SURF4: variants seen among roughly 807,000 people sequenced by gnomAD.
SURF4 encodes surfeit 4.
In SURF4, 3 loss-of-function variants were observed where a neutral mutation model predicts 30.0. That is an observed-to-expected ratio of 0.10 (90% CI 0.05 to 0.26). The LOEUF is 0.26. Among genes scored for constraint, SURF4 ranks in the 10% least tolerant of loss-of-function variants. SURF4 has a pLI of 1.00. For synonymous variants in SURF4, 143 were observed against 139.9 expected (o/e 1.02, Z -0.16); for missense variants, 217 against 350.8 (o/e 0.62, Z 3.05).
chr9:133,376,122 C>T, upstream of SURF4: 1 of 1,206,142 alleles, frequency 8.3e-7, no homozygotes, highest in Non-Finnish European at 1.0e-6. Context: ...GTAGGCCAAG[C>T]CTTAAAGGGG....
chr9:133,366,541 A>G, intron 3 of SURF4, 58 bp downstream of exon 3: 3 of 1,574,118 alleles, frequency 1.9e-6, no homozygotes, highest in Non-Finnish European at 2.6e-6. Context: ...ATGTCTTTTC[A>G]GAAGCTCTGC....
At chr9:133,374,361 T>G (rs1436112814) in intron 1 of SURF4, among the ~76,000 whole-genome samples, 3 of 151,678 alleles carry the variant, frequency 2.0e-5, no homozygotes, top group African/African-American at 7.3e-5. Flanking sequence ...GAGACCAGCC[T>G]GACCAACATG....
At chr9:133,376,310 C>CCTTT, upstream of SURF4, 2 of 1,342,920 alleles carry the variant, frequency 1.5e-6, no homozygotes, top group Non-Finnish European at 9.5e-7. Flanking sequence ...GGAACGCGTC[C>CCTTT]CTTTTAAGGG....
rs2130093745 is a variant in SURF4 at position 133,363,830 on chromosome 9, C to T, written c.544-71G>A. On this transcript the variant is annotated intron_variant, in intron 5 of 5. Coordinates refer to ENST00000371989, the MANE Select transcript of SURF4 (RefSeq NM_033161.4). This position sits in a 1 kb window ranked among gnomAD's most constrained non-coding sequence, Gnocchi z 4.3. ...AGAGATGCTTTATAAACAAAAGTTC[C>T]AGCTGCTGCACGTCATGAAGTCTCT... 1.3e-6 allele frequency: 2 copies of T among 1,576,374 alleles called. No individual in the cohort carries two copies. The highest frequency in any genetic ancestry group is 2.2e-5 in the South Asian group (2 of 89,262).
In SURF4 at chr9:133,362,368, G is replaced by A. The variant is rs2130073988; in HGVS notation, c.*1125C>T. The A allele has an allele frequency of 6.5e-6, 1 of 152,772 alleles. No individual in the cohort carries two copies. The highest frequency in any genetic ancestry group is 1.5e-5 in the Non-Finnish European group (1 of 68,038). 9.5% of individuals were successfully genotyped at this position (152,772 alleles called of 1,614,324 possible). A position where few individuals can be genotyped will look rare whatever the true frequency, so the allele number is the denominator to read the frequency against. ...TAGAAAACTTTAAATACAGGATTAA[G>A]ATCAAATCGGTAAGGCATCACAAAT... On this transcript the variant is annotated 3_prime_UTR_variant, in exon 6 of 6. Transcript: ENST00000371989.
upstream of SURF4, chr9:133,376,335 G>A: frequency 7.3e-7 from 1 of 1,378,754 alleles, no homozygotes; most frequent in Non-Finnish European, 9.4e-7. Flanking sequence ...GGGACCTGGG[G>A]GTCTGGGGCC....
chr9:133,373,909 CAAAA>C lies in SURF4; in HGVS notation c.48+2009_48+2012del, dbSNP rs71824689. 9.3e-3 allele frequency among the ~76,000 whole-genome samples: 441 copies of C among 47,508 alleles called. 1 individual carries two copies. Among genetic ancestry groups the C allele is most frequent in the South Asian group, 0.045 (34 of 760 alleles). The allele number at this position is 47,508 out of a possible 152,430, so 31.2% of individuals were successfully genotyped here. A position where few individuals can be genotyped will look rare whatever the true frequency, so the allele number is the denominator to read the frequency against. The stretch of plus-strand genomic sequence containing the variant: ...CTCCAGCCTGAGCGAAATTCTGTCT[CAAAA>C]AAAAAAAAAAAAAAAAAAAAAAGAA... On this transcript the variant is annotated intron_variant, in intron 1 of 5. Transcript: ENST00000371989.
At chr9:133,372,802 C>T (rs1837581242) in intron 1 of SURF4, 1 of 226,530 alleles carries the variant, frequency 4.4e-6, no homozygotes, top group Non-Finnish European at 7.3e-6. Context: ...CAAAGCCCCA[C>T]CTGGGCTTGG....
upstream of SURF4, chr9:133,376,460 G>T (rs2130248081): frequency 4.5e-6 from 7 of 1,570,868 alleles, no homozygotes; most frequent in South Asian, 7.0e-5. Flanking sequence ...GCCCGTACGC[G>T]GTCGCTACTG....
chr9:133,363,868 G>A lies in SURF4; in HGVS notation c.544-109C>T, dbSNP rs1836992259. 2 of 1,398,182 alleles carry A rather than the reference G, an allele frequency of 1.4e-6. No individual in the cohort carries two copies. The highest frequency in any genetic ancestry group is 1.4e-5 in the African/African-American group (1 of 70,100). 86.6% of individuals were successfully genotyped at this position (1,398,182 alleles called of 1,614,324 possible). On this transcript the variant is annotated intron_variant, in intron 5 of 5. Transcript: ENST00000371989. This position sits in a 1 kb window ranked among gnomAD's most constrained non-coding sequence, Gnocchi z 4.3. ...TCATGAAGTCTCTATCCATCAGGCTGATGTAGCTACTGCTGAGACGGCTGC... is the reference window on the plus strand; with the variant it reads ...TCATGAAGTCTCTATCCATCAGGCTAATGTAGCTACTGCTGAGACGGCTGC...
chr9:133,369,938 G>A (rs1837400357), intron 1 of SURF4, among the ~76,000 whole-genome samples: 1 of 152,228 alleles, frequency 6.6e-6, no homozygotes, highest in Admixed American at 6.5e-5. Context: ...CCAGGGCAGG[G>A]TGTGGGTGTG....
In SURF4 at chr9:133,366,674, A is replaced by C. The variant is rs1471368840; in HGVS notation, c.237T>G (p.Thr79=). The C allele has an allele frequency of 1.9e-6, 3 of 1,613,416 alleles. No homozygotes were observed. The African/African-American group carries it at 4.0e-5, about 22-fold the overall frequency. ...FVFLNLLGQL[T]GCVLVLSRNF... is the part of the protein sequence containing the mutation. ...TCCTGCTCAACACCAGGACGCAGCC[A>C]GCTGGAGAGAAGGACAAGGGTTAGG... Residue 79 remains threonine (T), a splice_region_variant and synonymous_variant, in exon 3 of 6, where the codon ACT becomes ACG. Coordinates refer to ENST00000371989, the MANE Select transcript of SURF4 (RefSeq NM_033161.4).
chr9:133,374,329 G>T (rs900523287), intron 1 of SURF4, among the ~76,000 whole-genome samples: 1 of 151,964 alleles, frequency 6.6e-6, no homozygotes, highest in Non-Finnish European at 1.5e-5. Context: ...GAGGTGGGCA[G>T]ACCACCTGAG....
At chr9:133,370,361 T>C (rs1300338202) in intron 1 of SURF4, among the ~76,000 whole-genome samples, 1 of 152,220 alleles carries the variant, frequency 6.6e-6, no homozygotes, top group Non-Finnish European at 1.5e-5. Context: ...TACTGCCTTC[T>C]GAACTGAGCA....
intron 1 of SURF4, among the ~76,000 whole-genome samples, chr9:133,369,952 C>T (rs1588715647): frequency 6.6e-6 from 1 of 152,156 alleles, no homozygotes; most frequent in African/African-American, 2.4e-5. Flanking sequence ...GGGTGTGGGG[C>T]GTGGACCCCA....
Position 133,362,374 on chromosome 9 carries a change from A to G in SURF4, c.*1119T>C, listed in dbSNP as rs2130074053. 6.5e-6 allele frequency: 1 copy of G among 152,818 alleles called. No homozygotes were observed. The highest frequency in any genetic ancestry group is 2.1e-4 in the South Asian group (1 of 4,832). 9.5% of individuals were successfully genotyped at this position (152,818 alleles called of 1,614,324 possible). A position where few individuals can be genotyped will look rare whatever the true frequency, so the allele number is the denominator to read the frequency against. On this transcript the variant is annotated 3_prime_UTR_variant, in exon 6 of 6. Transcript: ENST00000371989. The stretch of plus-strand genomic sequence containing the variant: ...ACTTTAAATACAGGATTAAGATCAA[A>G]TCGGTAAGGCATCACAAATTGTAAA...
upstream of SURF4, chr9:133,376,625 C>A: frequency 7.1e-7 from 1 of 1,413,670 alleles, no homozygotes; most frequent in Non-Finnish European, 9.5e-7. Context: ...CCTGGAGCTA[C>A]GGCCGGCGGT....
intron 1 of SURF4, among the ~76,000 whole-genome samples, chr9:133,374,599 A>C (rs1009359015): frequency 5.3e-5 from 8 of 152,256 alleles, no homozygotes; most frequent in African/African-American, 1.7e-4. Context: ...ATAAACAAAT[A>C]AAATTGTGTC....
intron 1 of SURF4, among the ~76,000 whole-genome samples, chr9:133,374,080 G>A (rs2130219564): frequency 2.0e-5 from 3 of 152,168 alleles, no homozygotes; most frequent in East Asian, 3.9e-4. Flanking sequence ...GGTTTTCCAG[G>A]ACAAAGAGCG....
Sources: allele counts gnomAD v4.1 joint callset (sites outside exome capture counted in the v4.1 genomes callset), GRCh38; gene constraint gnomAD v4.1.1; non-coding constraint Gnocchi (gnomAD v3.1); transcripts MANE v1.5; gene names NCBI Gene and HGNC (gene_info 2026-07-23, HGNC 2026-07-21).